Variants in PARD3 observed in about 807,000 individuals in gnomAD.
The protein encoded by PARD3 is partitioning defective 3 homolog.
PARD3 carries 75 observed loss-of-function variants against 155.4 expected under a neutral mutation model. That is an observed-to-expected ratio of 0.48 (90% CI 0.40 to 0.58). PARD3 has a LOEUF of 0.58. Among genes scored for constraint, PARD3 ranks in the 20% least tolerant of loss-of-function variants. PARD3 has a pLI of 0.00. For synonymous variants in PARD3, 576 were observed against 610.5 expected (o/e 0.94, Z 0.83); for missense variants, 1,642 against 1,721.7 (o/e 0.95, Z 0.82).
chr10:34,300,478 G>A (rs956315950), intron 20 of PARD3, among the ~76,000 whole-genome samples: 2 of 152,254 alleles, frequency 1.3e-5, no homozygotes, highest in African/African-American at 4.8e-5. Flanking sequence ...AACAAAGTGA[G>A]AAACCATCTC....
At chr10:34,745,553 T>G (rs1238239189) in intron 1 of PARD3, among the ~76,000 whole-genome samples, 1 of 151,958 alleles carries the variant, frequency 6.6e-6, no homozygotes, top group African/African-American at 2.4e-5. Flanking sequence ...AGGATAAGAA[T>G]CTAAGCCTCC....
At chr10:34,430,866 T>G (rs1386327159) in intron 5 of PARD3, among the ~76,000 whole-genome samples, 3 of 152,188 alleles carry the variant, frequency 2.0e-5, no homozygotes, top group Non-Finnish European at 4.4e-5. Flanking sequence ...GTGGGCATAT[T>G]ACACCACTTC....
intron 2 of PARD3, among the ~76,000 whole-genome samples, chr10:34,636,019 T>TA (rs548395751): frequency 0.018 from 2,565 of 139,062 alleles, 37 homozygotes; most frequent in Middle Eastern, 0.058. Context: ...TTTCTTCTAT[T>TA]AAAAAAAAAA....
intron 5 of PARD3, among the ~76,000 whole-genome samples, chr10:34,406,007 C>A (rs781563618): frequency 9.9e-5 from 15 of 152,104 alleles, no homozygotes; most frequent in Non-Finnish European, 1.6e-4. Context: ...CATATACAAC[C>A]TCCTCCTCTT....
At chr10:34,206,697 G>A (rs889297603) in intron 22 of PARD3, among the ~76,000 whole-genome samples, 1 of 152,166 alleles carries the variant, frequency 6.6e-6, no homozygotes, top group Non-Finnish European at 1.5e-5. Context: ...TTAAGAGATG[G>A]GTTATTTACA....
chr10:34,788,399 C>T (rs1841242174), intron 1 of PARD3, among the ~76,000 whole-genome samples: 1 of 151,916 alleles, frequency 6.6e-6, no homozygotes, highest in Admixed American at 6.5e-5. Flanking sequence ...CCACCACCAC[C>T]GCATCTACCA....
chr10:34,402,044 G>T, intron 5 of PARD3, 127 bp from the exon 6 acceptor site: 1 of 774,334 alleles, frequency 1.3e-6, no homozygotes, highest in Non-Finnish European at 2.3e-6. Context: ...CTCTAAGAAG[G>T]ATGACCTTTA....
intron 2 of PARD3, among the ~76,000 whole-genome samples, chr10:34,595,357 T>G (rs2089154682): frequency 6.6e-6 from 1 of 152,202 alleles, no homozygotes; most frequent in Non-Finnish European, 1.5e-5. Context: ...GAGTATTCAT[T>G]CAGAGTATTT....
intron 15 of PARD3, chr10:34,346,499 T>A: frequency 7.5e-7 from 1 of 1,336,332 alleles, no homozygotes; most frequent in Admixed American, 2.1e-5. Flanking sequence ...CACAAATATC[T>A]AGGGACACAT....
intron 22 of PARD3, among the ~76,000 whole-genome samples, chr10:34,142,186 A>G (rs1588910059): frequency 6.6e-6 from 1 of 152,190 alleles, no homozygotes; most frequent in Non-Finnish European, 1.5e-5. Context: ...CATAGATTTA[A>G]GCAAGTAAAA....
At chr10:34,459,448 G>A (rs953901963) in intron 4 of PARD3, among the ~76,000 whole-genome samples, 2 of 152,168 alleles carry the variant, frequency 1.3e-5, no homozygotes, top group African/African-American at 4.8e-5. Flanking sequence ...TGGGATTACA[G>A]GCGTGAGCCA....
At chr10:34,428,391 C>G (rs2075731365) in intron 5 of PARD3, among the ~76,000 whole-genome samples, 1 of 152,108 alleles carries the variant, frequency 6.6e-6, no homozygotes, top group Middle Eastern at 3.2e-3. Context: ...TGGTGTGTGC[C>G]TGCAGTTCCA....
Position 34,512,678 on chromosome 10 carries a change from C to G in PARD3, c.403+4301G>C, listed in dbSNP as rs564785009. 2.0e-5 allele frequency among the ~76,000 whole-genome samples: 3 copies of G among 152,256 alleles called. No individual in the cohort carries two copies. In the East Asian group the frequency reaches 5.8e-4, roughly 29 times the overall value. On this transcript the variant is annotated intron_variant, in intron 3 of 24. Coordinates refer to ENST00000374788, the MANE Select transcript of PARD3 (RefSeq NM_001184785.2). ...GAATATACACAGGAGTTTTTCTTCC[C>G]TCCACGTTCCTTTTTTAAAAACTAA... is the stretch of plus-strand genomic sequence containing the variant.
chr10:34,725,142 TGTGTGTGTGA>T (rs1291687381), intron 1 of PARD3, among the ~76,000 whole-genome samples: 1 of 124,442 alleles, frequency 8.0e-6, no homozygotes, highest in African/African-American at 2.7e-5. Context: ...TGTGTGTGTG[TGTGTGTGTGA>T]CAGAGAGAGA....
At chr10:34,657,625 G>A (rs903875140) in intron 2 of PARD3, among the ~76,000 whole-genome samples, 1 of 152,022 alleles carries the variant, frequency 6.6e-6, no homozygotes, top group African/African-American at 2.4e-5. Flanking sequence ...TGCAACCTCC[G>A]CCTCCTGGGT....
chr10:34,190,321 A>G (rs1950651132), intron 22 of PARD3, among the ~76,000 whole-genome samples: 1 of 152,218 alleles, frequency 6.6e-6, no homozygotes, highest in Admixed American at 6.5e-5. Context: ...AGCCAGACAC[A>G]AAGAAATTTC....
intron 1 of PARD3, 31 bp downstream of exon 1, chr10:34,814,845 C>T: frequency 1.5e-6 from 2 of 1,324,504 alleles, no homozygotes; most frequent in Non-Finnish European, 2.1e-6. Context: ...CCGCCGCCGC[C>T]CCCTCCCCGC....
chr10:34,385,576 A>G (rs563147304), intron 7 of PARD3, among the ~76,000 whole-genome samples: 40 of 152,374 alleles, frequency 2.6e-4, no homozygotes, highest in African/African-American at 9.4e-4. Context: ...TTGAGAATCC[A>G]GTATAAATTA....
Position 34,129,676 on chromosome 10 carries a change from C to CTTTTTTT in PARD3, c.3540+1780_3540+1786dup, listed in dbSNP as rs139162678. ...TTACCCTTCCTCAAATCAAATGTTC[C>CTTTTTTT]TTTTTTTTTGTAATGTCAAGCCTCT... On this transcript the variant is annotated intron_variant, in intron 23 of 24. Transcript: ENST00000374788. Among the ~76,000 whole-genome samples, 605 of 119,790 alleles carry CTTTTTTT rather than the reference C, an allele frequency of 5.1e-3. 10 individuals carry two copies. Among genetic ancestry groups the CTTTTTTT allele is most frequent in the African/African-American group, 0.016 (530 of 32,770 alleles). The allele number at this position is 119,790 out of a possible 152,430, so 78.6% of individuals were successfully genotyped here. A position where few individuals can be genotyped will look rare whatever the true frequency, so the allele number is the denominator to read the frequency against.
Sources: gnomAD v4.1 joint callset for allele counts (sites outside exome capture counted in the v4.1 genomes callset) on GRCh38, gnomAD v4.1.1 for gene constraint, MANE v1.5 for transcripts, NCBI Gene and HGNC (gene_info 2026-07-23, HGNC 2026-07-21) for gene names.